GPHN: variants seen among roughly 807,000 people sequenced by gnomAD.
GPHN encodes the protein gephyrin.
A neutral mutation model predicts 95.5 loss-of-function variants in GPHN; 17 were observed. The observed-to-expected ratio is 0.18, with a 90% confidence interval of 0.12 to 0.27. The LOEUF (loss-of-function observed/expected upper bound fraction) is 0.27. Ranked by LOEUF, GPHN falls within the 10% of genes least tolerant of loss-of-function variation. The pLI is 1.00. For missense variants in GPHN, 660 were observed against 978.1 expected, an observed-to-expected ratio of 0.67 and a Z score of 4.34; for synonymous variants, 320 against 322.5, an observed-to-expected ratio of 0.99 and a Z score of 0.08.
At chr14:67,667,268 C>T in the GPHN span, among the ~76,000 whole-genome samples, 1 of 152,182 alleles carries the variant, frequency 6.6e-6, no homozygotes, top group Non-Finnish European at 1.5e-5. Context: ...CTAATCTTGG[C>T]CCTTTAAAGT....
rs537994983 is a variant in GPHN at position 66,905,272 on chromosome 14, G to T, written c.390-10731G>T. Among the ~76,000 whole-genome samples, 270 of 152,026 alleles carry T rather than the reference G, an allele frequency of 1.8e-3. 1 individual carries two copies. Among genetic ancestry groups the T allele is most frequent in the Admixed American group, 3.1e-3 (47 of 15,250 alleles). ...ATCTCAGTTCCAAGGTTAATGTTTG[G>T]TTTTTAATTATTTCAATCTGTTCAT... On this transcript the variant is annotated intron_variant, in intron 5 of 22. Transcript: ENST00000478722.
the GPHN span, among the ~76,000 whole-genome samples, chr14:67,719,053 C>CA: frequency 6.6e-6 from 1 of 152,210 alleles, no homozygotes; most frequent in African/African-American, 2.4e-5. Flanking sequence ...ACATCTGTTA[C>CA]AAGTTGGAAT....
the GPHN span, among the ~76,000 whole-genome samples, chr14:67,266,853 TAA>T: frequency 2.0e-5 from 3 of 152,090 alleles, no homozygotes; most frequent in Non-Finnish European, 4.4e-5. Flanking sequence ...CTCATGCCTG[TAA>T]TCCCAGCATG....
At chr14:67,294,676 T>G in the GPHN span, 14 of 152,060 alleles carry the variant, frequency 9.2e-5, no homozygotes, top group East Asian at 2.7e-3. Flanking sequence ...GATATTATAG[T>G]GCTTTTTTTT....
At chr14:67,331,217 G>T in the GPHN span, among the ~76,000 whole-genome samples, 1 of 151,952 alleles carries the variant, frequency 6.6e-6, no homozygotes, top group Non-Finnish European at 1.5e-5. Flanking sequence ...GCTATTTTTT[G>T]TATTTTTAAT....
intron 2 of GPHN, among the ~76,000 whole-genome samples, chr14:66,701,667 G>A (rs2068567226): frequency 6.6e-6 from 1 of 152,178 alleles, no homozygotes; most frequent in African/African-American, 2.4e-5. Flanking sequence ...CCATGGATCA[G>A]AAGATCACAC....
chr14:67,578,478 G>C, the GPHN span: 1 of 1,192,124 alleles, frequency 8.4e-7, no homozygotes, highest in Non-Finnish European at 1.2e-6. This position sits in a 1 kb window ranked among gnomAD's most constrained non-coding sequence, Gnocchi z 5.0. Flanking sequence ...AGGGCTATGA[G>C]GACAGGTGGT....
At chr14:67,156,986 G>T (rs906019588) in intron 18 of GPHN, among the ~76,000 whole-genome samples, 2 of 144,906 alleles carry the variant, frequency 1.4e-5, no homozygotes, top group Non-Finnish European at 3.1e-5. Context: ...AAAAAAAAAA[G>T]AAAAATTATA....
At chr14:66,804,763 C>T (rs1302060809) in intron 3 of GPHN, among the ~76,000 whole-genome samples, 1 of 152,134 alleles carries the variant, frequency 6.6e-6, no homozygotes, top group Non-Finnish European at 1.5e-5. Context: ...CTGCAATTAT[C>T]TGATATCTTT....
At chr14:66,835,937 A>G (rs1380861770) in intron 4 of GPHN, among the ~76,000 whole-genome samples, 2 of 146,690 alleles carry the variant, frequency 1.4e-5, no homozygotes, top group African/African-American at 2.6e-5. Context: ...TCAAGGAAAT[A>G]AAAGAGGATA....
At chr14:66,648,367 A>G (rs1337450238) in intron 1 of GPHN, among the ~76,000 whole-genome samples, 1 of 152,142 alleles carries the variant, frequency 6.6e-6, no homozygotes, top group Non-Finnish European at 1.5e-5. Flanking sequence ...TATTCATTTT[A>G]TTTATATAAG....
At position 66,835,041 on chromosome 14, in the gene GPHN, G is replaced by A. The variant is rs1158100568; in HGVS notation, c.294+10475G>A. On this transcript the variant is annotated intron_variant, in intron 4 of 22. Transcript: ENST00000478722. ...CTTCTAGATTTTCTAGTTTATTTGC[G>A]TAGAGGTGTTTGTAGTATTCTCTGA... Among the ~76,000 whole-genome samples the A allele has an allele frequency of 1.0e-4, 15 of 150,174 alleles. No individual in the cohort carries two copies. In the South Asian group the frequency reaches 2.1e-3, roughly 21 times the overall value.
chr14:66,817,417 C>T (rs2061017996), intron 3 of GPHN, among the ~76,000 whole-genome samples: 5 of 152,026 alleles, frequency 3.3e-5, no homozygotes, highest in African/African-American at 1.2e-4. Flanking sequence ...ATAAACTTAT[C>T]ACTAATGAAA....
At chr14:66,944,802 T>C (rs943952379) in intron 8 of GPHN, among the ~76,000 whole-genome samples, 3 of 152,312 alleles carry the variant, frequency 2.0e-5, no homozygotes, top group Middle Eastern at 3.4e-3. Flanking sequence ...CCCCTTTCCC[T>C]GGGGAGGGGA....
At chr14:66,653,759 C>T (rs952722871) in intron 1 of GPHN, among the ~76,000 whole-genome samples, 4 of 152,072 alleles carry the variant, frequency 2.6e-5, no homozygotes, top group African/African-American at 7.2e-5. Flanking sequence ...GTATATCAGG[C>T]GTTGGCCACA....
At chr14:67,182,020 C>T (rs1450864796), downstream of GPHN, among the ~76,000 whole-genome samples, 1 of 152,098 alleles carries the variant, frequency 6.6e-6, no homozygotes, top group Non-Finnish European at 1.5e-5. Flanking sequence ...GAAGGAGAAC[C>T]TGCAGTTGGT....
intron 9 of GPHN, among the ~76,000 whole-genome samples, chr14:66,989,131 G>A (rs1345570534): frequency 6.6e-6 from 1 of 151,860 alleles, no homozygotes; most frequent in Non-Finnish European, 1.5e-5. Context: ...TAATACACGT[G>A]TCTCATATCT....
intron 2 of GPHN, among the ~76,000 whole-genome samples, chr14:66,770,111 CT>C (rs1334210215): frequency 1.3e-5 from 2 of 152,102 alleles, no homozygotes; most frequent in African/African-American, 4.8e-5. Context: ...TGATTGTTGG[CT>C]GTATGTATGT....
At chr14:66,570,956 C>T (rs2060662422) in intron 1 of GPHN, among the ~76,000 whole-genome samples, 1 of 151,908 alleles carries the variant, frequency 6.6e-6, no homozygotes, top group Non-Finnish European at 1.5e-5. Flanking sequence ...TGTTTTTTAA[C>T]CTGGTTATTT....
Sources: allele counts gnomAD v4.1 joint callset (sites outside exome capture counted in the v4.1 genomes callset), GRCh38; gene constraint gnomAD v4.1.1; non-coding constraint Gnocchi (gnomAD v3.1); transcripts MANE v1.5; gene names NCBI Gene and HGNC (gene_info 2026-07-23, HGNC 2026-07-21).